The following L1TD1 variants were observed in gnomAD, a reference collection of about 807,000 sequenced individuals.
L1TD1 encodes the protein LINE1 type transposase domain containing 1.
A neutral mutation model predicts 25.7 loss-of-function variants in L1TD1; 26 were observed. That is an observed-to-expected ratio of 1.01 (90% CI 0.74 to 1.40). The LOEUF is 1.40. Among genes scored for constraint, L1TD1 ranks in the 40% most tolerant of loss-of-function variants. The probability of loss-of-function intolerance (pLI) is 0.00; values close to 1 mark genes in which losing one functional copy is unlikely to be tolerated. For missense variants in L1TD1, 1,130 were observed against 975.0 expected (o/e 1.16, Z -2.12); for synonymous variants, 421 against 335.6 (o/e 1.25, Z -2.78).
intron 2 of L1TD1, among the ~76,000 whole-genome samples, chr1:62,198,361 T>C (rs1670582416): frequency 6.8e-6 from 1 of 147,954 alleles, no homozygotes; most frequent in African/African-American, 2.4e-5. Flanking sequence ...ACCTGTACGT[T>C]GTGAGAGATA....
At chr1:62,203,745 AT>A (rs1471677266) in intron 2 of L1TD1, among the ~76,000 whole-genome samples, 1 of 152,068 alleles carries the variant, frequency 6.6e-6, no homozygotes, top group Non-Finnish European at 1.5e-5. Flanking sequence ...CACCCAGCTA[AT>A]TTTTTGTTTT....
chr1:62,205,347 C>A (rs1250488041), intron 2 of L1TD1, among the ~76,000 whole-genome samples: 1 of 143,410 alleles, frequency 7.0e-6, no homozygotes, highest in Non-Finnish European at 1.5e-5. Flanking sequence ...AAGAAAAAAA[C>A]AAAATAAAAC....
chr1:62,209,904 A>T lies in L1TD1; in HGVS notation c.1130A>T (p.Gln377Leu). The T allele has an allele frequency of 6.2e-7, 1 of 1,614,110 alleles. No individual in the cohort carries two copies. The highest frequency in any genetic ancestry group is 8.5e-7 in the Non-Finnish European group (1 of 1,180,030). The change falls in exon 4 of 4, where the codon CAA becomes CTA. Residue 377 changes from glutamine to leucine, a missense_variant. Coordinates refer to ENST00000498273, the MANE Select transcript of L1TD1 (RefSeq NM_019079.5). ...KPEEMKNLET[Q>L]EEEFSELEEL... Reference sequence around the variant, plus strand: ...GAGGAGATGAAAAACTTAGAGACTCAAGAGGAAGAGTTTTCCGAGCTAGAG... The same window carrying T: ...GAGGAGATGAAAAACTTAGAGACTCTAGAGGAAGAGTTTTCCGAGCTAGAG...
chr1:62,211,297 T>C lies in L1TD1; in HGVS notation c.2523T>C (p.Leu841=). The C allele has an allele frequency of 2.5e-6, 4 of 1,613,430 alleles. No individual in the cohort carries two copies. In the East Asian group the frequency reaches 8.9e-5, roughly 36 times the overall value. Reference sequence around the variant, plus strand: ...TTAGGGGTAAAACAAAGGTATTTCTTAGTATTGAAGAATTTAGAGATTATG... The same window carrying C: ...TTAGGGGTAAAACAAAGGTATTTCTCAGTATTGAAGAATTTAGAGATTATG... ...FDFRGKTKVF[L]SIEEFRDYVL... is the part of the protein sequence containing the mutation. Residue 841 remains leucine (L), a synonymous_variant, in exon 4 of 4, where the codon CTT becomes CTC. Coordinates refer to ENST00000498273, the MANE Select transcript of L1TD1 (RefSeq NM_019079.5).
rs1460515833 is a variant in L1TD1, at chr1:62,211,584, C to G, written c.*212C>G. On this transcript the variant is annotated 3_prime_UTR_variant, in exon 4 of 4. Coordinates refer to ENST00000498273, the MANE Select transcript of L1TD1 (RefSeq NM_019079.5). ...CTGGTCTCAATGTAGTGAGTTATTTCAGTTGATCACAGTCAGTTACAGATA... is the reference window on the plus strand; with the variant it reads ...CTGGTCTCAATGTAGTGAGTTATTTGAGTTGATCACAGTCAGTTACAGATA... 3.2e-6 allele frequency: 2 copies of G among 633,580 alleles called. No individual in the cohort carries two copies. Among genetic ancestry groups the G allele is most frequent in the African/African-American group, 3.7e-5 (2 of 54,006 alleles). The allele number at this position is 633,580 out of a possible 1,614,324, so 39.2% of individuals were successfully genotyped here.
chr1:62,204,955 A>G (rs1055922448), intron 2 of L1TD1, among the ~76,000 whole-genome samples: 3 of 151,980 alleles, frequency 2.0e-5, no homozygotes, highest in Admixed American at 6.6e-5. Flanking sequence ...TTTGTTAGAG[A>G]CAGTTTCACC....
At position 62,205,125 on chromosome 1, in the gene L1TD1, C is replaced by T. The variant is rs1214381295; in HGVS notation, c.-110-1394C>T. 4.6e-5 allele frequency among the ~76,000 whole-genome samples: 7 copies of T among 151,626 alleles called. 1 individual carries two copies. Among genetic ancestry groups the T allele is most frequent in the African/African-American group, 7.3e-5 (3 of 41,216 alleles). ...CCAGCACTTTGGAGGCCGAGGCAGG[C>T]GGATCACGAGGTCAGGAATTCGAGG... On this transcript the variant is annotated intron_variant, in intron 2 of 3. Coordinates refer to ENST00000498273, the MANE Select transcript of L1TD1 (RefSeq NM_019079.5).
intron 2 of L1TD1, among the ~76,000 whole-genome samples, chr1:62,205,435 A>ATTTTTTTTTTTT (rs1220640977): frequency 1.5e-3 from 53 of 36,020 alleles, no homozygotes; most frequent in Non-Finnish European, 2.2e-3. Flanking sequence ...ATATATATAT[A>ATTTTTTTTTTTT]TATATATATT....
In L1TD1 at chr1:62,210,513, C is replaced by T. The variant is rs775919925; in HGVS notation, c.1739C>T (p.Ser580Leu). 9 of 1,613,688 alleles carry T rather than the reference C, an allele frequency of 5.6e-6. No individual in the cohort carries two copies. The Admixed American group carries it at 1.2e-4, about 21-fold the overall frequency. The stretch of plus-strand genomic sequence containing the variant: ...CATTCACATACAAATTTGAGTATTT[C>T]AACAGGAGTCACCAAACTTAAGAAA... ...KKHSHTNLSI[S>L]TGVTKLKKTE... Residue 580 changes from serine (S) to leucine (L), a missense_variant, in exon 4 of 4, where the codon TCA becomes TTA. Coordinates refer to ENST00000498273, the MANE Select transcript of L1TD1 (RefSeq NM_019079.5).
At chr1:62,196,672 A>C (rs541830545) in intron 2 of L1TD1, 144 bp downstream of exon 2, 1 of 152,074 alleles carries the variant, frequency 6.6e-6, no homozygotes, top group African/African-American at 2.4e-5. Flanking sequence ...CGCTCACTGC[A>C]ACCTACGCCT....
intron 3 of L1TD1, chr1:62,208,480 G>GATTTTTTT (rs1287163935): frequency 1.2e-5 from 1 of 85,964 alleles, no homozygotes; most frequent in African/African-American, 4.6e-5. Flanking sequence ...GCTGGAAGGG[G>GATTTTTTT]CTTTTTTTTT....
At chr1:62,205,389 T>TTCTCTCTCTCTCTCTCTCTCTC (rs1194912722) in intron 2 of L1TD1, among the ~76,000 whole-genome samples, 5 of 60,292 alleles carry the variant, frequency 8.3e-5, no homozygotes, top group African/African-American at 3.6e-4. Context: ...CTCTCTCTCT[T>TTCTCTCTCTCTCTCTCTCTCTC]TCTCTCTCTC....
chr1:62,209,854 TAAAG>T lies in L1TD1; in HGVS notation c.1083_1086del (p.Glu362Ter). ...GTGATGGCTTGAGCTTCCTATTTCT[TAAAG>T]AAGTAAAAGTTGCTAAGCCAGAGGA... On this transcript the variant is annotated frameshift_variant, in exon 4 of 4. Transcript: ENST00000498273. LOFTEE classifies it low-confidence loss of function (END_TRUNC). The T allele has an allele frequency of 1.2e-6, 2 of 1,614,018 alleles. No homozygotes were observed. The highest frequency in any genetic ancestry group is 1.7e-4 in the Middle Eastern group (1 of 6,054).
At chr1:62,198,035 C>T (rs1670576378) in intron 2 of L1TD1, among the ~76,000 whole-genome samples, 1 of 151,552 alleles carries the variant, frequency 6.6e-6, no homozygotes, top group Admixed American at 6.6e-5. Context: ...TTACAAATGG[C>T]CTATTGAAAA....
chr1:62,207,767 C>A, intron 3 of L1TD1, 131 bp downstream of exon 3: 1 of 1,134,622 alleles, frequency 8.8e-7, no homozygotes, highest in Non-Finnish European at 1.2e-6. Flanking sequence ...GGTGGGAGTG[C>A]AGTGGCACGA....
chr1:62,207,048 T>C lies in L1TD1; in HGVS notation c.420T>C (p.Asn140=), dbSNP rs1433682985. Residue 140 remains asparagine (N), a synonymous_variant, in exon 3 of 4, where the codon AAT becomes AAC. Coordinates refer to ENST00000498273, the MANE Select transcript of L1TD1 (RefSeq NM_019079.5). ...NENLTFKLEV[N]ELSGKLDNTN... ...ATTTAACCTTTAAATTAGAAGTAAA[T>C]GAGCTGAGTGGTAAATTAGACAACA... 3.1e-6 allele frequency: 5 copies of C among 1,613,848 alleles called. No individual in the cohort carries two copies. Among genetic ancestry groups the C allele is most frequent in the Admixed American group, 3.3e-5 (2 of 59,940 alleles).
In L1TD1 at chr1:62,206,550, GAA is replaced by G. The variant is rs1670748359; in HGVS notation, c.-78_-77del. On this transcript the variant is annotated 5_prime_UTR_variant, in exon 3 of 4. Transcript: ENST00000498273. ...GTATTTTAAGATTTTTTTAACTTCTGAAGTCTAGCAGGCCTGTAAGAACAAAA... is the reference window on the plus strand; with the variant it reads ...GTATTTTAAGATTTTTTTAACTTCTGGTCTAGCAGGCCTGTAAGAACAAAA... 2 of 1,299,748 alleles carry G rather than the reference GAA, an allele frequency of 1.5e-6. No homozygotes were observed. The highest frequency in any genetic ancestry group is 6.9e-5 in the Admixed American group (2 of 29,072). 80.5% of individuals were successfully genotyped at this position (1,299,748 alleles called of 1,614,324 possible). A position where few individuals can be genotyped will look rare whatever the true frequency, so the allele number is the denominator to read the frequency against.
At chr1:62,202,011 AGG>A (rs997000840) in intron 2 of L1TD1, among the ~76,000 whole-genome samples, 1 of 152,166 alleles carries the variant, frequency 6.6e-6, no homozygotes, top group African/African-American at 2.4e-5. Flanking sequence ...CTTAATTAAG[AGG>A]GATGAGGCTG....
rs1297750882 is a variant in L1TD1, at chr1:62,205,439, A to ATTTTTTTTTTT, written c.-110-1079_-110-1078insTTTTTTTTTTT. On this transcript the variant is annotated intron_variant, in intron 2 of 3. Transcript: ENST00000498273. ...TCTCTATATATATATATATATATAT[A>ATTTTTTTTTTT]TATATTTTTTTTTAGACAGTCTTGC... is the stretch of plus-strand genomic sequence containing the variant. 1.5e-3 allele frequency among the ~76,000 whole-genome samples: 65 copies of ATTTTTTTTTTT among 44,188 alleles called. 1 individual carries two copies. The highest frequency in any genetic ancestry group is 3.4e-3 in the African/African-American group (40 of 11,646). 29.0% of individuals were successfully genotyped at this position (44,188 alleles called of 152,430 possible). A position where few individuals can be genotyped will look rare whatever the true frequency, so the allele number is the denominator to read the frequency against.
Sources: allele counts gnomAD v4.1 joint callset (sites outside exome capture counted in the v4.1 genomes callset), GRCh38; gene constraint gnomAD v4.1.1; transcripts MANE v1.5; gene names NCBI Gene and HGNC (gene_info 2026-07-23, HGNC 2026-07-21).